Variants in UBTD2 observed in about 807,000 individuals in gnomAD.
UBTD2 encodes the protein ubiquitin domain-containing protein 2.
UBTD2 carries 9 observed loss-of-function variants against 19.8 expected under a neutral mutation model. That is an observed-to-expected ratio of 0.46 (90% CI 0.27 to 0.79). UBTD2 has a LOEUF of 0.79. Among genes scored for constraint, UBTD2 ranks in the 30% least tolerant of loss-of-function variants. UBTD2 has a pLI of 0.14. For synonymous variants in UBTD2, 98 were observed against 103.9 expected (o/e 0.94, Z 0.35); for missense variants, 250 against 300.4 (o/e 0.83, Z 1.24).
chr5:172,260,393 A>G (rs1006967160), intron 1 of UBTD2, among the ~76,000 whole-genome samples: 1 of 152,100 alleles, frequency 6.6e-6, no homozygotes, highest in Non-Finnish European at 1.5e-5. Flanking sequence ...TGAAAAACCT[A>G]TCTTTACCAC....
At chr5:172,247,990 T>C (rs1449107746) in intron 1 of UBTD2, among the ~76,000 whole-genome samples, 3 of 152,152 alleles carry the variant, frequency 2.0e-5, no homozygotes, top group Non-Finnish European at 4.4e-5. Flanking sequence ...CTTCTATGAT[T>C]ACATGGAATA....
intron 1 of UBTD2, among the ~76,000 whole-genome samples, chr5:172,281,593 A>G (rs1755718449): frequency 6.6e-6 from 1 of 152,114 alleles, no homozygotes; most frequent in South Asian, 2.1e-4. Context: ...ACCCTTAGGA[A>G]AAAGTCTTTC....
chr5:172,280,761 T>G (rs1295648196), intron 1 of UBTD2, among the ~76,000 whole-genome samples: 1 of 152,184 alleles, frequency 6.6e-6, no homozygotes, highest in African/African-American at 2.4e-5. Context: ...ATACAACAAT[T>G]AATCCCAAAA....
chr5:172,236,402 C>G (rs1772009973), intron 1 of UBTD2, among the ~76,000 whole-genome samples: 1 of 152,208 alleles, frequency 6.6e-6, no homozygotes, highest in Non-Finnish European at 1.5e-5. Context: ...GTGCCTATTA[C>G]ATTTAATTCA....
chr5:172,271,226 C>G (rs967132638), intron 1 of UBTD2, among the ~76,000 whole-genome samples: 1 of 151,960 alleles, frequency 6.6e-6, no homozygotes, highest in African/African-American at 2.4e-5. Context: ...GTCAGGAGAT[C>G]AAGACCATCC....
chr5:172,241,451 C>G (rs1305271173), intron 1 of UBTD2, among the ~76,000 whole-genome samples: 1 of 149,648 alleles, frequency 6.7e-6, no homozygotes, highest in Non-Finnish European at 1.5e-5. Flanking sequence ...ACTATCTCCA[C>G]TTTTAACACT....
upstream of UBTD2, chr5:172,284,092 G>T (rs1755795384): frequency 6.7e-6 from 1 of 150,366 alleles, no homozygotes; most frequent in Non-Finnish European, 1.5e-5. Flanking sequence ...CCCACGGCCT[G>T]GGCTCGGCCC....
intron 1 of UBTD2, chr5:172,242,513 T>C: frequency 2.6e-6 from 2 of 774,844 alleles, no homozygotes; most frequent in South Asian, 5.9e-5. Flanking sequence ...CTTGTTCCTT[T>C]ACCCTTTGTA....
chr5:172,241,057 T>C (rs1772117289), intron 1 of UBTD2, among the ~76,000 whole-genome samples: 1 of 152,158 alleles, frequency 6.6e-6, no homozygotes, highest in Non-Finnish European at 1.5e-5. Flanking sequence ...GTTAACTTTT[T>C]TTTTTTTTTA....
chr5:172,266,161 C>T (rs914424026), intron 1 of UBTD2, among the ~76,000 whole-genome samples: 2 of 152,034 alleles, frequency 1.3e-5, no homozygotes, highest in East Asian at 1.9e-4. Context: ...GAACTCCTGA[C>T]CTCAGCTGAT....
intron 1 of UBTD2, among the ~76,000 whole-genome samples, chr5:172,270,630 A>T (rs1482415015): frequency 6.6e-6 from 1 of 152,142 alleles, no homozygotes; most frequent in Non-Finnish European, 1.5e-5. Context: ...CTGGGATTAC[A>T]GGTGTGAGCC....
rs1016137718 is a variant in UBTD2 at position 172,209,770 on chromosome 5, C to T, written c.*2060G>A. 1.3e-5 allele frequency: 2 copies of T among 152,180 alleles called. No individual in the cohort carries two copies. The highest frequency in any genetic ancestry group is 4.8e-5 in the African/African-American group (2 of 41,282). The allele number at this position is 152,180 out of a possible 1,614,324, so 9.4% of individuals were successfully genotyped here. On this transcript the variant is annotated 3_prime_UTR_variant, in exon 3 of 3. Transcript: ENST00000393792. Reference sequence around the variant, plus strand: ...ACAATTAAACAGCACCATGGTTTTCCCACCTAGGTTAGTTAAACATGCCCA... The same window carrying T: ...ACAATTAAACAGCACCATGGTTTTCTCACCTAGGTTAGTTAAACATGCCCA...
rs1189161053 is a variant in UBTD2 at position 172,211,172 on chromosome 5, G to A, written c.*658C>T. 1 of 152,106 alleles carries A rather than the reference G, an allele frequency of 6.6e-6. No individual in the cohort carries two copies. Among genetic ancestry groups the A allele is most frequent in the African/African-American group, 2.4e-5 (1 of 41,416 alleles). 9.4% of individuals were successfully genotyped at this position (152,106 alleles called of 1,614,324 possible). ...GTGCCTGCCACTAATGTGCTGGAAG[G>A]CACCAAAATTTAGTGTGAATGTAAA... is the stretch of plus-strand genomic sequence containing the variant. On this transcript the variant is annotated 3_prime_UTR_variant, in exon 3 of 3. Transcript: ENST00000393792.
chr5:172,244,101 A>G (rs1772188332), intron 1 of UBTD2, among the ~76,000 whole-genome samples: 1 of 152,092 alleles, frequency 6.6e-6, no homozygotes, highest in Admixed American at 6.6e-5. Flanking sequence ...TGCTCCTTGA[A>G]CATTCAAGCT....
At chr5:172,258,181 C>T (rs187940045) in intron 1 of UBTD2, among the ~76,000 whole-genome samples, 1 of 152,064 alleles carries the variant, frequency 6.6e-6, no homozygotes, top group African/African-American at 2.4e-5. Flanking sequence ...TTGTAGATGG[C>T]GAAAAGAAGG....
chr5:172,220,784 G>A (rs1223412247), intron 2 of UBTD2, among the ~76,000 whole-genome samples: 1 of 152,038 alleles, frequency 6.6e-6, no homozygotes, highest in Non-Finnish European at 1.5e-5. Flanking sequence ...AATAAAACAA[G>A]GCAAGATAAG....
At chr5:172,230,492 T>A (rs1010213700) in intron 2 of UBTD2, among the ~76,000 whole-genome samples, 1 of 151,450 alleles carries the variant, frequency 6.6e-6, no homozygotes, top group East Asian at 1.9e-4. Context: ...ATCAGCAACT[T>A]ACATGTATTA....
chr5:172,241,508 AG>A (rs1469253458), intron 1 of UBTD2, among the ~76,000 whole-genome samples: 1 of 151,988 alleles, frequency 6.6e-6, no homozygotes, highest in African/African-American at 2.4e-5. Flanking sequence ...TAAAACAACT[AG>A]AAATTTAAGG....
intron 2 of UBTD2, among the ~76,000 whole-genome samples, chr5:172,213,360 T>C (rs1026906049): frequency 2.0e-5 from 3 of 152,218 alleles, no homozygotes; most frequent in East Asian, 1.9e-4. Flanking sequence ...AAATTAGAGA[T>C]GACAGCCTTA....
Sources: allele counts gnomAD v4.1 joint callset (sites outside exome capture counted in the v4.1 genomes callset), GRCh38; gene constraint gnomAD v4.1.1; transcripts MANE v1.5; gene names NCBI Gene and HGNC (gene_info 2026-07-23, HGNC 2026-07-21).